Variants in CSMD3 observed in about 807,000 individuals in gnomAD.
The protein encoded by CSMD3 is CUB and sushi domain-containing protein 3.
In CSMD3, 177 loss-of-function variants were observed where a neutral mutation model predicts 435.2. That is an observed-to-expected ratio of 0.41 (90% CI 0.36 to 0.46). CSMD3 has a LOEUF of 0.46. Ranked by LOEUF, CSMD3 falls within the 20% of genes least tolerant of loss-of-function variation. The pLI is 0.34. For synonymous variants in CSMD3, 1,656 were observed against 1,520.5 expected (o/e 1.09, Z -2.07); for missense variants, 4,265 against 4,504.6 (o/e 0.95, Z 1.52).
At chr8:112,813,565 G>C (rs185305295) in intron 12 of CSMD3, among the ~76,000 whole-genome samples, 2 of 152,228 alleles carry the variant, frequency 1.3e-5, no homozygotes, top group Admixed American at 1.3e-4. Flanking sequence ...GGGAGAGAGG[G>C]AGAGAAGGAT....
intron 10 of CSMD3, among the ~76,000 whole-genome samples, chr8:112,890,560 T>A (rs2081754911): frequency 6.6e-6 from 1 of 151,664 alleles, no homozygotes; most frequent in African/African-American, 2.4e-5. Flanking sequence ...TTCAAGATGG[T>A]ACTCAATTTC....
At chr8:113,341,022 T>G (rs557176437) in intron 1 of CSMD3, among the ~76,000 whole-genome samples, 15 of 152,238 alleles carry the variant, frequency 9.9e-5, no homozygotes, top group Admixed American at 3.3e-4. Flanking sequence ...CAACATAAAT[T>G]TTGGAGGTGA....
intron 30 of CSMD3, among the ~76,000 whole-genome samples, chr8:112,497,472 A>C (rs1000742803): frequency 8.7e-6 from 1 of 115,050 alleles, no homozygotes; most frequent in Non-Finnish European, 1.7e-5. Context: ...TATCTCATGT[A>C]CTCCATAAAT....
intron 4 of CSMD3, among the ~76,000 whole-genome samples, chr8:113,124,347 G>A (rs1482131421): frequency 1.3e-5 from 2 of 151,648 alleles, no homozygotes; most frequent in South Asian, 2.1e-4. Flanking sequence ...AGACACATAG[G>A]CACAACTATT....
intron 1 of CSMD3, among the ~76,000 whole-genome samples, chr8:113,426,953 T>TA (rs1415794099): frequency 6.6e-6 from 1 of 151,464 alleles, no homozygotes; most frequent in African/African-American, 2.4e-5. Context: ...CTATTTAAAA[T>TA]AAGAATGGCC....
intron 1 of CSMD3, among the ~76,000 whole-genome samples, chr8:113,423,603 G>T (rs533262486): frequency 3.7e-4 from 56 of 151,940 alleles, no homozygotes; most frequent in Non-Finnish European, 7.1e-4. Context: ...TTTCTTCTTT[G>T]TTATGTCAAA....
At position 113,069,719 on chromosome 8, in the gene CSMD3, G is replaced by A. The variant is rs73702284; in HGVS notation, c.917+29037C>T. On this transcript the variant is annotated intron_variant, in intron 5 of 70. Transcript: ENST00000297405. ...GGCACATTGAAAACTGCAATTTCTC[G>A]CCCTCTTGCAGTTAGGCAGGTTCAT... Among the ~76,000 whole-genome samples, 1,219 of 152,046 alleles carry A rather than the reference G, an allele frequency of 8.0e-3. 19 individuals are homozygous for A. The highest frequency in any genetic ancestry group is 0.027 in the African/African-American group (1,137 of 41,472).
Position 113,189,708 on chromosome 8 carries a change from A to C in CSMD3, c.515-15792T>G, listed in dbSNP as rs138335320. ...TTCTGCATAATAAAACTATTAATGA[A>C]ATGGAATCTTGCAAGAAATGTCAGA... On this transcript the variant is annotated intron_variant, in intron 3 of 70. Coordinates refer to ENST00000297405, the MANE Select transcript of CSMD3 (RefSeq NM_198123.2). Among the ~76,000 whole-genome samples, 153 of 151,974 alleles carry C rather than the reference A, an allele frequency of 1.0e-3. 2 individuals are homozygous for C. The highest frequency in any genetic ancestry group is 3.5e-3 in the African/African-American group (144 of 41,526).
intron 32 of CSMD3, among the ~76,000 whole-genome samples, chr8:112,459,837 A>AT (rs1817265239): frequency 6.6e-6 from 1 of 152,118 alleles, no homozygotes; most frequent in East Asian, 1.9e-4. Context: ...TCAACTAGAG[A>AT]TAAAAATATA....
intron 1 of CSMD3, among the ~76,000 whole-genome samples, chr8:113,316,535 A>T (rs1331347225): frequency 1.5e-5 from 2 of 133,858 alleles, no homozygotes; most frequent in African/African-American, 5.7e-5. Flanking sequence ...CCACTTCTCT[A>T]TCAAACAGCT....
intron 13 of CSMD3, among the ~76,000 whole-genome samples, chr8:112,758,669 G>T (rs1172520871): frequency 1.3e-5 from 2 of 152,066 alleles, no homozygotes; most frequent in East Asian, 3.9e-4. Context: ...TAATAATAAG[G>T]TATTTTCCAA....
intron 10 of CSMD3, among the ~76,000 whole-genome samples, chr8:112,896,414 T>C (rs980450159): frequency 6.6e-6 from 1 of 151,408 alleles, no homozygotes; most frequent in Non-Finnish European, 1.5e-5. Flanking sequence ...AAAATAAATA[T>C]TGTTGATGCT....
intron 20 of CSMD3, among the ~76,000 whole-genome samples, chr8:112,644,100 G>T (rs1216983385): frequency 1.3e-5 from 2 of 151,458 alleles, no homozygotes; most frequent in African/African-American, 2.4e-5. Flanking sequence ...TTCAAAATCA[G>T]ATTTTAAAAT....
At chr8:112,676,874 G>A (rs60598285) in intron 16 of CSMD3, among the ~76,000 whole-genome samples, 1,800 of 152,080 alleles carry the variant, frequency 0.012, 38 homozygotes, top group African/African-American at 0.041. Context: ...GTTCTTTTGG[G>A]ATTCATTGGC....
intron 1 of CSMD3, among the ~76,000 whole-genome samples, chr8:113,373,141 C>T (rs1489275334): frequency 1.3e-5 from 2 of 152,112 alleles, no homozygotes; most frequent in Non-Finnish European, 2.9e-5. Context: ...ATTCTCTAAT[C>T]TGTAAACAAC....
chr8:112,737,877 T>C (rs1276967664), intron 13 of CSMD3, among the ~76,000 whole-genome samples: 2 of 151,840 alleles, frequency 1.3e-5, no homozygotes, highest in African/African-American at 4.8e-5. Context: ...AGTTTATGAA[T>C]CCATTACTCC....
At chr8:112,993,887 T>C (rs889112267) in intron 6 of CSMD3, among the ~76,000 whole-genome samples, 3 of 151,756 alleles carry the variant, frequency 2.0e-5, no homozygotes, top group Non-Finnish European at 4.4e-5. Context: ...TGGTGATACA[T>C]GTAGGAGTTA....
intron 32 of CSMD3, among the ~76,000 whole-genome samples, chr8:112,448,859 T>C (rs954272543): frequency 6.6e-6 from 1 of 151,796 alleles, no homozygotes; most frequent in African/African-American, 2.4e-5. Context: ...TTCAGGTTAA[T>C]CCTTTACCGC....
At chr8:112,437,048 TAA>T (rs1814433425) in intron 32 of CSMD3, among the ~76,000 whole-genome samples, 1 of 152,032 alleles carries the variant, frequency 6.6e-6, no homozygotes. Context: ...AGAGACTGAT[TAA>T]GTTATGTTTT....
Sources: gnomAD v4.1 joint callset for allele counts (sites outside exome capture counted in the v4.1 genomes callset) on GRCh38, gnomAD v4.1.1 for gene constraint, MANE v1.5 for transcripts, NCBI Gene and HGNC (gene_info 2026-07-23, HGNC 2026-07-21) for gene names.